Variants in KIFC2 observed in about 807,000 individuals in gnomAD.
KIFC2 encodes the protein kinesin-like protein KIFC2.
In KIFC2, 94 loss-of-function variants were observed where a neutral mutation model predicts 91.5. The ratio of observed to expected loss-of-function variants is 1.03; its 90% CI spans 0.87 to 1.22. The LOEUF (loss-of-function observed/expected upper bound fraction) is 1.22. Ranked by LOEUF, KIFC2 falls within the 50% of genes most tolerant of loss-of-function variation. The pLI, the probability that KIFC2 is intolerant of heterozygous loss-of-function variation, is 0.00. For missense variants in KIFC2, 1,357 were observed against 1,103.3 expected, an observed-to-expected ratio of 1.23 and a Z score of -3.26; for synonymous variants, 729 against 503.9, an observed-to-expected ratio of 1.45 and a Z score of -5.98.
chr8:144,466,863 G>A (rs1824667103), intron 2 of KIFC2, 25 bp downstream of exon 2: 1 of 1,536,320 alleles, frequency 6.5e-7, no homozygotes, highest in Non-Finnish European at 8.7e-7. Flanking sequence ...GGAGTCCCGC[G>A]GTGCGAGGGC....
intron 12 of KIFC2, among the ~76,000 whole-genome samples, chr8:144,469,923 C>G (rs1824860802): frequency 6.6e-6 from 1 of 152,246 alleles, no homozygotes; most frequent in Admixed American, 6.5e-5. Context: ...CTTTATGGCC[C>G]CAAGGCAGGC....
intron 7 of KIFC2, 80 bp downstream of exon 7, chr8:144,468,067 T>G: frequency 3.5e-6 from 5 of 1,446,996 alleles, no homozygotes; most frequent in Admixed American, 5.6e-5. Flanking sequence ...GGCCCGAGCC[T>G]CCTCAGGACC....
intron 13 of KIFC2, 39 bp downstream of exon 13, chr8:144,472,085 G>T: frequency 6.2e-7 from 1 of 1,613,174 alleles, no homozygotes; most frequent in Admixed American, 1.7e-5. Flanking sequence ...GAGGCCCCAG[G>T]GGCCCTGCAT....
intron 12 of KIFC2, among the ~76,000 whole-genome samples, chr8:144,471,718 T>C (rs1824932007): frequency 6.6e-6 from 1 of 152,204 alleles, no homozygotes; most frequent in Non-Finnish European, 1.5e-5. Context: ...CTTCTCATTG[T>C]GTCTTTTCCC....
rs1373598899 is a variant in KIFC2 at position 144,473,486 on chromosome 8, T to A, written c.*97T>A. On this transcript the variant is annotated 3_prime_UTR_variant, in exon 18 of 18. Coordinates refer to ENST00000645548, the MANE Select transcript of KIFC2 (RefSeq NM_001369769.2). The stretch of plus-strand genomic sequence containing the variant: ...GTACCCCGTCTCCCAGGGCACAAGC[T>A]CCCTAGCCTCTTTGGATCCATTGCC... The A allele has an allele frequency of 2.1e-6, 3 of 1,434,284 alleles. No homozygotes were observed. Among genetic ancestry groups the A allele is most frequent in the Non-Finnish European group, 1.8e-6 (2 of 1,096,698 alleles). The allele number at this position is 1,434,284 out of a possible 1,614,324, so 88.8% of individuals were successfully genotyped here. A position where few individuals can be genotyped will look rare whatever the true frequency, so the allele number is the denominator to read the frequency against.
rs921123430 is a variant in KIFC2, at chr8:144,473,999, C to A, written c.*610C>A. 6 of 567,444 alleles carry A rather than the reference C, an allele frequency of 1.1e-5. No homozygotes were observed. The highest frequency in any genetic ancestry group is 1.6e-5 in the Non-Finnish European group (5 of 320,720). The allele number at this position is 567,444 out of a possible 1,614,324, so 35.2% of individuals were successfully genotyped here. Reference sequence around the variant, plus strand: ...AAGGGCTATTCCAGGCTCAGCCCTGCTCCTGCAGCTTTGCCGCTGAGTGTA... The same window carrying A: ...AAGGGCTATTCCAGGCTCAGCCCTGATCCTGCAGCTTTGCCGCTGAGTGTA... On this transcript the variant is annotated 3_prime_UTR_variant, in exon 18 of 18. Transcript: ENST00000645548.
rs1420823777 is a variant in KIFC2 at position 144,473,762 on chromosome 8, C to T, written c.*373C>T. 2.3e-5 allele frequency: 9 copies of T among 389,108 alleles called. No homozygotes were observed. The highest frequency in any genetic ancestry group is 5.3e-5 in the South Asian group (1 of 18,766). 24.1% of individuals were successfully genotyped at this position (389,108 alleles called of 1,614,324 possible). ...ACGTTGCAAATTCCTTTACTGTTATCCCCCCCACCACCAGGACCATGTAGG... is the reference window on the plus strand; with the variant it reads ...ACGTTGCAAATTCCTTTACTGTTATTCCCCCCACCACCAGGACCATGTAGG... On this transcript the variant is annotated 3_prime_UTR_variant, in exon 18 of 18. Coordinates refer to ENST00000645548, the MANE Select transcript of KIFC2 (RefSeq NM_001369769.2).
At position 144,468,843 on chromosome 8, in the gene KIFC2, C is replaced by G. The variant is rs374470655; in HGVS notation, c.1113+9C>G. 3.7e-5 allele frequency: 60 copies of G among 1,604,498 alleles called. No homozygotes were observed. The highest frequency in any genetic ancestry group is 4.9e-5 in the Non-Finnish European group (58 of 1,171,812). On this transcript the variant is annotated intron_variant, in intron 10 of 17. Transcript: ENST00000645548. Reference sequence around the variant, plus strand: ...GTGAGGCCCGGGGCCAGGTCAGGACCCCTCCCCGCCTAGCCCCTCCTCTCT... The same window carrying G: ...GTGAGGCCCGGGGCCAGGTCAGGACGCCTCCCCGCCTAGCCCCTCCTCTCT...
rs1250817596 is a variant in KIFC2 at position 144,466,947 on chromosome 8, C to T, written c.179-12C>T. The T allele has an allele frequency of 3.8e-6, 6 of 1,588,792 alleles. No individual in the cohort carries two copies. In the East Asian group the frequency reaches 1.1e-4, roughly 30 times the overall value. On this transcript the variant is annotated splice_polypyrimidine_tract_variant and intron_variant, in intron 2 of 17. Transcript: ENST00000645548. The stretch of plus-strand genomic sequence containing the variant: ...ACCCGAAATGTCTCCCGCCCTCCTC[C>T]CTGACCGGCAGCCAGCTCCGAGCCT...
rs200006562 is a variant in KIFC2 at position 144,467,452 on chromosome 8, T to G, written c.470-33T>G. 4.2e-5 allele frequency: 65 copies of G among 1,540,626 alleles called. No individual in the cohort carries two copies. In the East Asian group the frequency reaches 1.4e-3, roughly 34 times the overall value. ...TTCCGGAAGATTTGGACTAGAGACC[T>G]CTTCAGTGCTAACTGGGCCCACCCT... On this transcript the variant is annotated intron_variant, in intron 4 of 17. Coordinates refer to ENST00000645548, the MANE Select transcript of KIFC2 (RefSeq NM_001369769.2).
At chr8:144,469,794 G>C (rs781201673) in intron 12 of KIFC2, 147 bp downstream of exon 12, 11 of 1,057,822 alleles carry the variant, frequency 1.0e-5, no homozygotes, top group African/African-American at 4.8e-5. Flanking sequence ...AGGGAACCGA[G>C]GGGGCTGGGA....
In KIFC2 at chr8:144,467,089, G is replaced by T. The variant is rs1481239926; in HGVS notation, c.309G>T (p.Gly103=). The change falls in exon 3 of 18, where the codon GGG becomes GGT. Residue 103 remains glycine (G), a synonymous_variant. Transcript: ENST00000645548. The part of the protein sequence containing the change: ...SVQLGAEESC[G]GPADLGQSGE... ...AGCTGGGGGCGGAAGAGAGCTGCGG[G>T]GGCCCGGCGGACCTGGGCCAGGTGA... 2 of 1,598,770 alleles carry T rather than the reference G, an allele frequency of 1.3e-6. No individual in the cohort carries two copies. The highest frequency in any genetic ancestry group is 1.7e-6 in the Non-Finnish European group (2 of 1,172,832).
Position 144,472,610 on chromosome 8 carries a change from G to A in KIFC2, c.1765G>A (p.Ala589Thr). ...LKLGRSNRAT[A>T]ATAMNQRSSR... ...ACTGGGGAGGAGCAACCGGGCCACC[G>A]CCGCCACCGCCATGAACCAGCGCAG... Residue 589 changes from alanine to threonine, a missense_variant, in exon 16 of 18, where the codon GCC (alanine) becomes ACC (threonine). Physicochemically the swap from Ala to Thr is moderately conservative, Grantham distance 58. Coordinates refer to ENST00000645548, the MANE Select transcript of KIFC2 (RefSeq NM_001369769.2). The A allele has an allele frequency of 6.2e-7, 1 of 1,605,938 alleles. No individual in the cohort carries two copies. The highest frequency in any genetic ancestry group is 8.5e-7 in the Non-Finnish European group (1 of 1,179,634).
rs762342745 is a variant in KIFC2, at chr8:144,472,889, C to T, written c.1956C>T (p.Arg652=). 119 of 1,521,302 alleles carry T rather than the reference C, an allele frequency of 7.8e-5. No individual in the cohort carries two copies. Among genetic ancestry groups the T allele is most frequent in the Non-Finnish European group, 1.0e-4 (118 of 1,149,110 alleles). 94.2% of individuals were successfully genotyped at this position (1,521,302 alleles called of 1,614,324 possible). ...PPRGDPDGAR[R]LREAQTINRS... ...GGGGAGACCCAGACGGCGCCCGGCG[C>T]CTGCGGGAGGCCCAGACCATAAACC... The change falls in exon 17 of 18, where the codon CGC becomes CGT. Residue 652 remains arginine, a synonymous_variant. Coordinates refer to ENST00000645548, the MANE Select transcript of KIFC2 (RefSeq NM_001369769.2).
chr8:144,473,844 C>T lies in KIFC2; in HGVS notation c.*455C>T, dbSNP rs1825048806. On this transcript the variant is annotated 3_prime_UTR_variant, in exon 18 of 18. Transcript: ENST00000645548. ...AAAAAGGTGCTACCTCCTTTCCAGA[C>T]AGATGAGAGAGGGCAGGACTTCAGG... 1.1e-5 allele frequency: 4 copies of T among 374,366 alleles called. No individual in the cohort carries two copies. Among genetic ancestry groups the T allele is most frequent in the East Asian group, 4.6e-5 (1 of 21,596 alleles). The allele number at this position is 374,366 out of a possible 1,614,324, so 23.2% of individuals were successfully genotyped here. A position where few individuals can be genotyped will look rare whatever the true frequency, so the allele number is the denominator to read the frequency against.
chr8:144,467,803 A>G (rs1184034197), intron 6 of KIFC2, 24 bp downstream of exon 6: 3 of 1,613,534 alleles, frequency 1.9e-6, no homozygotes, highest in East Asian at 2.2e-5. Context: ...GAGACCTGGC[A>G]GGGCCGGGCA....
intron 7 of KIFC2, 110 bp from the exon 8 acceptor site, chr8:144,468,219 C>A: frequency 9.1e-7 from 1 of 1,099,384 alleles, no homozygotes. Context: ...AGCTGGGAGG[C>A]ATGGGTTCAC....
At position 144,472,416 on chromosome 8, in the gene KIFC2, G is replaced by C; in HGVS notation, c.1663G>C (p.Gly555Arg). 6.2e-7 allele frequency: 1 copy of C among 1,613,002 alleles called. No individual in the cohort carries two copies. Among genetic ancestry groups the C allele is most frequent in the Non-Finnish European group, 8.5e-7 (1 of 1,179,862 alleles). The stretch of plus-strand genomic sequence containing the variant: ...CCTGGCCGTGAGGCAGGGCCCAGAA[G>C]GCCAGGGCGGGATCCAGGTGGCTGG... ...ERLAVRQGPE[G>R]QGGIQVAGLT... is the part of the protein sequence containing the mutation. Residue 555 changes from glycine (G) to arginine (R), a missense_variant, in exon 15 of 18, where the codon GGC (glycine) becomes CGC (arginine). Physicochemically the swap from Gly to Arg is moderately radical, Grantham distance 125. Transcript: ENST00000645548.
chr8:144,471,538 C>T (rs1824923888), intron 12 of KIFC2, among the ~76,000 whole-genome samples: 1 of 152,086 alleles, frequency 6.6e-6, no homozygotes, highest in Non-Finnish European at 1.5e-5. Context: ...GTCTCAAACT[C>T]CGGAGCTCAA....
Sources: allele counts gnomAD v4.1 joint callset (sites outside exome capture counted in the v4.1 genomes callset), GRCh38; gene constraint gnomAD v4.1.1; transcripts MANE v1.5; gene names NCBI Gene and HGNC (gene_info 2026-07-23, HGNC 2026-07-21).